SOX5: variants seen among roughly 807,000 people sequenced by gnomAD.
SOX5 encodes the protein transcription factor SOX-5.
A neutral mutation model predicts 92.0 loss-of-function variants in SOX5; 9 were observed. The ratio of observed to expected loss-of-function variants is 0.10; its 90% confidence interval spans 0.06 to 0.17. The LOEUF (loss-of-function observed/expected upper bound fraction) is 0.17. Among genes scored for constraint, SOX5 ranks in the 10% least tolerant of loss-of-function variants. The pLI is 1.00. For synonymous variants in SOX5, 344 were observed against 336.3 expected (o/e 1.02, Z -0.25); for missense variants, 642 against 944.5 (o/e 0.68, Z 4.20).
At chr12:23,703,893 G>A (rs943805848) in intron 6 of SOX5, among the ~76,000 whole-genome samples, 2 of 151,892 alleles carry the variant, frequency 1.3e-5, no homozygotes, top group African/African-American at 4.8e-5. Flanking sequence ...AATGTTAAGA[G>A]CAAACTGCAC....
chr12:23,638,970 G>T (rs962434544), intron 8 of SOX5, among the ~76,000 whole-genome samples: 1 of 151,696 alleles, frequency 6.6e-6, no homozygotes, highest in African/African-American at 2.4e-5. Context: ...AAAAATTTTG[G>T]ATTATTAATT....
intron 4 of SOX5, among the ~76,000 whole-genome samples, chr12:24,175,014 G>T (rs1252308086): frequency 3.3e-5 from 5 of 152,146 alleles, no homozygotes; most frequent in African/African-American, 1.2e-4. Context: ...TGATTATGAG[G>T]CATCCCTTCA....
chr12:24,152,858 A>G (rs1951796296), intron 4 of SOX5, among the ~76,000 whole-genome samples: 1 of 150,620 alleles, frequency 6.6e-6, no homozygotes. Flanking sequence ...AAAAAAAAAA[A>G]GAGAATTGTA....
intron 11 of SOX5, among the ~76,000 whole-genome samples, chr12:23,557,346 TCAG>T (rs1234578206): frequency 6.6e-6 from 1 of 152,186 alleles, no homozygotes; most frequent in African/African-American, 2.4e-5. Context: ...TCACTAAAGC[TCAG>T]CAGAAAAAGG....
intron 6 of SOX5, among the ~76,000 whole-genome samples, chr12:23,732,683 T>C (rs1282286650): frequency 6.6e-6 from 1 of 152,138 alleles, no homozygotes; most frequent in Non-Finnish European, 1.5e-5. Context: ...CACTCTGAAA[T>C]AGTTAGGCTG....
chr12:24,397,957 C>T (rs1047667485), intron 1 of SOX5, among the ~76,000 whole-genome samples: 3 of 152,078 alleles, frequency 2.0e-5, no homozygotes, highest in South Asian at 2.1e-4. Flanking sequence ...TCACGCCATT[C>T]TCCTGCCTCA....
intron 13 of SOX5, among the ~76,000 whole-genome samples, chr12:23,539,945 A>C (rs1051818491): frequency 6.6e-6 from 1 of 152,188 alleles, no homozygotes; most frequent in Non-Finnish European, 1.5e-5. Context: ...TCAAAATAGT[A>C]ACCTTGAATT....
intron 1 of SOX5, among the ~76,000 whole-genome samples, chr12:24,378,946 G>C (rs1296354411): frequency 6.6e-6 from 1 of 152,152 alleles, no homozygotes; most frequent in Non-Finnish European, 1.5e-5. Context: ...TCCCCTTACA[G>C]ATGTAGATTT....
chr12:24,068,719 TA>T (rs1941252612), intron 4 of SOX5, among the ~76,000 whole-genome samples: 1 of 71,418 alleles, frequency 1.4e-5, no homozygotes, highest in South Asian at 4.6e-4. Context: ...TATATATATA[TA>T]TATATATATA....
At chr12:23,741,322 T>C (rs532514118) in intron 4 of SOX5, among the ~76,000 whole-genome samples, 4 of 152,226 alleles carry the variant, frequency 2.6e-5, no homozygotes, top group Non-Finnish European at 5.9e-5. Flanking sequence ...TTTACACTTA[T>C]GACCAGTAAT....
At chr12:23,764,476 A>T (rs193220893) in intron 3 of SOX5, among the ~76,000 whole-genome samples, 256 of 152,222 alleles carry the variant, frequency 1.7e-3, no homozygotes, top group Middle Eastern at 3.4e-3. Flanking sequence ...AAAACTTAAG[A>T]TATCTTAAAC....
In SOX5 at chr12:23,895,928, G is replaced by C; in HGVS notation, c.135C>G (p.Asp45Glu). The C allele has an allele frequency of 6.2e-7, 1 of 1,613,796 alleles. No homozygotes were observed. The highest frequency in any genetic ancestry group is 8.5e-7 in the Non-Finnish European group (1 of 1,179,694). Residue 45 changes from aspartate (D) to glutamate (E), a missense_variant, in exon 2 of 15, where the codon GAC becomes GAG. By Grantham distance (45) the Asp-to-Glu change is conservative. This residue lies in a region of SOX5 where 113 missense variants were observed against 117.7 expected (regional missense o/e 0.96). Transcript: ENST00000451604. ...SRQKVEEEESDGLPAFHLPLH... is the reference protein window; with the variant it reads ...SRQKVEEEESEGLPAFHLPLH... ...AGGGAAGGTGAAAGGCTGGGAGCCC[G>C]TCACTCTCCTCTTCTTCCACTTTCT...
chr12:24,044,403 G>A (rs1956808955), intron 4 of SOX5, among the ~76,000 whole-genome samples: 1 of 152,138 alleles, frequency 6.6e-6, no homozygotes, highest in Admixed American at 6.5e-5. Context: ...AGTCCGGGAG[G>A]GGCAAGGATT....
intron 4 of SOX5, among the ~76,000 whole-genome samples, chr12:24,211,761 A>G (rs1192098428): frequency 1.3e-5 from 2 of 152,234 alleles, no homozygotes; most frequent in African/African-American, 4.8e-5. Flanking sequence ...GACTTGTGAA[A>G]TAAGTTGATT....
chr12:24,331,594 A>G (rs1951305133), intron 2 of SOX5, among the ~76,000 whole-genome samples: 1 of 152,164 alleles, frequency 6.6e-6, no homozygotes, highest in East Asian at 1.9e-4. Flanking sequence ...TCACACCTGT[A>G]ATCCCAGCAC....
intron 4 of SOX5, among the ~76,000 whole-genome samples, chr12:24,000,164 G>A (rs571767484): frequency 8.6e-5 from 13 of 151,160 alleles, no homozygotes; most frequent in African/African-American, 2.7e-4. Flanking sequence ...GCAAAAAGGA[G>A]GTGGAGAGAA....
At chr12:23,579,923 T>A (rs1237267658) in intron 9 of SOX5, among the ~76,000 whole-genome samples, 1 of 152,102 alleles carries the variant, frequency 6.6e-6, no homozygotes, top group African/African-American at 2.4e-5. Context: ...TTAAATGAGG[T>A]TGCCAATTGG....
chr12:24,060,625 A>G (rs1359904655), intron 4 of SOX5, among the ~76,000 whole-genome samples: 6 of 152,174 alleles, frequency 3.9e-5, no homozygotes, highest in African/African-American at 1.2e-4. Context: ...CTCAAACAAG[A>G]GTTAGGCATA....
At chr12:23,960,542 T>TACATATATATTTATATAC (rs1285015549) in intron 4 of SOX5, among the ~76,000 whole-genome samples, 1 of 145,488 alleles carries the variant, frequency 6.9e-6, no homozygotes, top group South Asian at 2.1e-4. Context: ...TATATATATA[T>TACATATATATTTATATAC]ATATGAAGTC....
Sources: gnomAD v4.1 joint callset for allele counts (sites outside exome capture counted in the v4.1 genomes callset) on GRCh38, gnomAD v4.1.1 for gene constraint, gnomAD v4.1.1 regional missense constraint, MANE v1.5 for transcripts, NCBI Gene and HGNC (gene_info 2026-07-23, HGNC 2026-07-21) for gene names.